Variants in PAPSS1 observed in about 807,000 individuals in gnomAD.
The protein encoded by PAPSS1 is 3'-phosphoadenosine 5'-phosphosulfate synthase 1, also known as bifunctional 3'-phosphoadenosine 5'-phosphosulfate synthase 1.
A neutral mutation model predicts 72.0 loss-of-function variants in PAPSS1; 50 were observed. The ratio of observed to expected loss-of-function variants is 0.69; its 90% CI spans 0.55 to 0.88. The LOEUF (loss-of-function observed/expected upper bound fraction) is 0.88. Among genes scored for constraint, PAPSS1 ranks in the 40% least tolerant of loss-of-function variants. The probability of loss-of-function intolerance (pLI) is 0.00; values close to 1 mark genes in which losing one functional copy is unlikely to be tolerated. For synonymous variants in PAPSS1, 261 were observed against 263.6 expected (o/e 0.99, Z 0.09); for missense variants, 657 against 782.2 (o/e 0.84, Z 1.91).
chr4:107,700,218 A>C (rs1251778261), intron 2 of PAPSS1, among the ~76,000 whole-genome samples: 1 of 152,216 alleles, frequency 6.6e-6, no homozygotes, highest in Non-Finnish European at 1.5e-5. Context: ...ACTGTTGACA[A>C]AGACACTGGG....
intron 5 of PAPSS1, among the ~76,000 whole-genome samples, chr4:107,676,962 T>C (rs1272864196): frequency 6.6e-6 from 1 of 152,202 alleles, no homozygotes; most frequent in Non-Finnish European, 1.5e-5. Flanking sequence ...TAAATGGTGC[T>C]GGGAAAACTG....
At chr4:107,704,173 C>T (rs903477777) in intron 1 of PAPSS1, among the ~76,000 whole-genome samples, 1 of 152,152 alleles carries the variant, frequency 6.6e-6, no homozygotes, top group Non-Finnish European at 1.5e-5. Context: ...AAAAACACTA[C>T]TACTTTTCTA....
intron 1 of PAPSS1, among the ~76,000 whole-genome samples, chr4:107,714,530 C>T (rs1299294019): frequency 6.6e-6 from 1 of 152,148 alleles, no homozygotes; most frequent in African/African-American, 2.4e-5. Flanking sequence ...GTAACTGATC[C>T]ATCTCAGAGT....
At chr4:107,649,521 C>T (rs1156725182) in intron 9 of PAPSS1, among the ~76,000 whole-genome samples, 2 of 152,202 alleles carry the variant, frequency 1.3e-5, no homozygotes, top group East Asian at 3.9e-4. Flanking sequence ...TCTGAGTGTG[C>T]CTTCTGCTTC....
At chr4:107,624,367 G>T (rs970472649) in intron 11 of PAPSS1, among the ~76,000 whole-genome samples, 2 of 152,140 alleles carry the variant, frequency 1.3e-5, no homozygotes, top group African/African-American at 4.8e-5. Context: ...ATGGTCAGTG[G>T]TTTACTATCT....
intron 2 of PAPSS1, among the ~76,000 whole-genome samples, chr4:107,696,930 C>T (rs567350198): frequency 6.6e-6 from 1 of 152,300 alleles, no homozygotes; most frequent in African/African-American, 2.4e-5. Context: ...TACTAATTCC[C>T]TGCCCTAAAA....
In PAPSS1 at chr4:107,682,102, C is replaced by A. The variant is rs1329830391; in HGVS notation, c.582G>T (p.Lys194Asn). 6.2e-7 allele frequency: 1 copy of A among 1,607,292 alleles called. No homozygotes were observed. Among genetic ancestry groups the A allele is most frequent in the African/African-American group, 1.3e-5 (1 of 74,800 alleles). Residue 194 changes from lysine to asparagine, a missense_variant, in exon 5 of 12, where the codon AAG (lysine) becomes AAT (asparagine). By Grantham distance (94) the Lys-to-Asn change is moderately conservative (BLOSUM62 0). Coordinates refer to ENST00000265174, the MANE Select transcript of PAPSS1 (RefSeq NM_005443.5). Reference protein sequence around the residue: ...GFTGIDSEYEKPEAPELVLKT... With the variant: ...GFTGIDSEYENPEAPELVLKT... ...TCAGCACCAACTCAGGGGCCTCTGG[C>A]TTTTCATATTCAGAATCGATCCCAG...
chr4:107,635,800 T>C (rs1726362247), intron 10 of PAPSS1, among the ~76,000 whole-genome samples: 1 of 152,208 alleles, frequency 6.6e-6, no homozygotes, highest in Admixed American at 6.5e-5. Flanking sequence ...AATTATGTAA[T>C]AAACATTACT....
intron 2 of PAPSS1, among the ~76,000 whole-genome samples, chr4:107,694,774 T>C: frequency 6.6e-6 from 1 of 152,204 alleles, no homozygotes; most frequent in Non-Finnish European, 1.5e-5. Context: ...CACCTTCCTA[T>C]ACCAACAGTA....
intron 2 of PAPSS1, 86 bp downstream of exon 2, chr4:107,701,085 C>A: frequency 1.4e-6 from 1 of 703,424 alleles, no homozygotes. Flanking sequence ...GAACAGAGCT[C>A]AAAATTTAAA....
At chr4:107,687,311 GA>G (rs898708745) in intron 3 of PAPSS1, 134 bp from the exon 4 acceptor site, 93 of 615,132 alleles carry the variant, frequency 1.5e-4, no homozygotes, top group East Asian at 1.2e-3. Context: ...AATATAAACT[GA>G]AAAAAAAATC....
chr4:107,708,013 A>C (rs975952012), intron 1 of PAPSS1, among the ~76,000 whole-genome samples: 2 of 152,122 alleles, frequency 1.3e-5, no homozygotes, highest in Non-Finnish European at 2.9e-5. Context: ...TACCTGAAAA[A>C]TCCTCTGGGA....
chr4:107,718,212 G>A (rs534883006), intron 1 of PAPSS1: 1 of 152,104 alleles, frequency 6.6e-6, no homozygotes, highest in Non-Finnish European at 1.5e-5. Flanking sequence ...TTCCATGAGG[G>A]AGAGAAAAAT....
At chr4:107,616,308 T>C (rs1725821879) in intron 11 of PAPSS1, among the ~76,000 whole-genome samples, 1 of 152,056 alleles carries the variant, frequency 6.6e-6, no homozygotes, top group Non-Finnish European at 1.5e-5. Context: ...TGTCAATTAT[T>C]ATAATTTTAT....
chr4:107,656,285 T>C (rs1284082839), intron 7 of PAPSS1, among the ~76,000 whole-genome samples: 5 of 152,020 alleles, frequency 3.3e-5, no homozygotes, highest in African/African-American at 1.2e-4. Flanking sequence ...CTAGCTAAGT[T>C]TTGTATTCTT....
At chr4:107,710,048 T>A (rs1338461179) in intron 1 of PAPSS1, among the ~76,000 whole-genome samples, 1 of 152,214 alleles carries the variant, frequency 6.6e-6, no homozygotes, top group Non-Finnish European at 1.5e-5. Flanking sequence ...GTAATCTTCT[T>A]CTACTTCCCC....
chr4:107,703,760 T>C (rs909231129), intron 1 of PAPSS1, among the ~76,000 whole-genome samples: 2 of 152,212 alleles, frequency 1.3e-5, no homozygotes, highest in Admixed American at 6.5e-5. Context: ...AGCTTCAGAG[T>C]GTGTTTTAAA....
At chr4:107,694,960 A>C (rs1431644886) in intron 2 of PAPSS1, among the ~76,000 whole-genome samples, 2 of 152,174 alleles carry the variant, frequency 1.3e-5, no homozygotes, top group Non-Finnish European at 2.9e-5. Flanking sequence ...ATAAAAAAAA[A>C]AATAGAAGAG....
intron 9 of PAPSS1, among the ~76,000 whole-genome samples, chr4:107,647,175 G>A (rs548214015): frequency 1.4e-4 from 21 of 152,298 alleles, no homozygotes; most frequent in East Asian, 1.9e-4. Flanking sequence ...GAGCAAAGAC[G>A]TTCCCTAAGA....
Sources: gnomAD v4.1 joint callset for allele counts (sites outside exome capture counted in the v4.1 genomes callset) on GRCh38, gnomAD v4.1.1 for gene constraint, MANE v1.5 for transcripts, NCBI Gene and HGNC (gene_info 2026-07-23, HGNC 2026-07-21) for gene names.